LOC128706665: variants seen among roughly 807,000 people sequenced by gnomAD.
chr20:10,430,944 A>G, the LOC128706665 span, among the ~76,000 whole-genome samples: 1 of 152,234 alleles, frequency 6.6e-6, no homozygotes, highest in African/African-American at 2.4e-5. Flanking sequence ...GCATTGAGTA[A>G]TGGCGAGAAT....
the LOC128706665 span, among the ~76,000 whole-genome samples, chr20:10,426,560 C>T: frequency 2.0e-5 from 3 of 152,158 alleles, no homozygotes; most frequent in Non-Finnish European, 2.9e-5. Flanking sequence ...CCACCATGCC[C>T]GACTAATTTT....
At chr20:10,426,773 G>A in the LOC128706665 span, among the ~76,000 whole-genome samples, 1 of 152,176 alleles carries the variant, frequency 6.6e-6, no homozygotes, top group African/African-American at 2.4e-5. Context: ...CAAAATTAGA[G>A]GGCATCTTAC....
At chr20:10,413,782 A>G in the LOC128706665 span, 1 of 583,788 alleles carries the variant, frequency 1.7e-6, no homozygotes, top group Non-Finnish European at 3.0e-6. Flanking sequence ...AATTTTACAG[A>G]CTGCTTTGCA....
the LOC128706665 span, among the ~76,000 whole-genome samples, chr20:10,433,799 C>T: frequency 1.3e-5 from 2 of 152,144 alleles, no homozygotes; most frequent in Non-Finnish European, 2.9e-5. Context: ...ACAGGTTCGG[C>T]GTAGAAGGCG....
chr20:10,428,330 T>C, the LOC128706665 span, among the ~76,000 whole-genome samples: 1 of 152,240 alleles, frequency 6.6e-6, no homozygotes, highest in Non-Finnish European at 1.5e-5. Flanking sequence ...GATACCTAGA[T>C]GAATGGGCCT....
chr20:10,431,175 C>A, the LOC128706665 span, among the ~76,000 whole-genome samples: 27 of 152,128 alleles, frequency 1.8e-4, no homozygotes, highest in South Asian at 5.6e-3. Context: ...AAAATAGGCA[C>A]CCCTGGAGGT....
At chr20:10,417,837 C>T in the LOC128706665 span, among the ~76,000 whole-genome samples, 1 of 151,504 alleles carries the variant, frequency 6.6e-6, no homozygotes, top group African/African-American at 2.4e-5. Context: ...TACGAGATTA[C>T]AGGAAATAGG....
chr20:10,416,171 T>C, the LOC128706665 span, among the ~76,000 whole-genome samples: 6 of 150,884 alleles, frequency 4.0e-5, no homozygotes, highest in Non-Finnish European at 8.9e-5. Context: ...GTTGTTGCAG[T>C]GATGGATAAC....
At chr20:10,429,456 G>C in the LOC128706665 span, among the ~76,000 whole-genome samples, 7 of 152,238 alleles carry the variant, frequency 4.6e-5, 1 homozygote, top group African/African-American at 1.7e-4. Context: ...TTCATCTCCA[G>C]CTTAGACCCA....
chr20:10,415,955 T>G, the LOC128706665 span, among the ~76,000 whole-genome samples: 1 of 151,852 alleles, frequency 6.6e-6, no homozygotes, highest in Non-Finnish European at 1.5e-5. Context: ...GGTCTAGACC[T>G]GAACAAAAGA....
the LOC128706665 span, among the ~76,000 whole-genome samples, chr20:10,431,384 A>G: frequency 1.3e-5 from 2 of 152,150 alleles, no homozygotes; most frequent in Non-Finnish European, 1.5e-5. Flanking sequence ...CTTAGTGTCT[A>G]TTAGGTGCTA....
chr20:10,433,591 G>C, the LOC128706665 span, among the ~76,000 whole-genome samples: 1 of 152,344 alleles, frequency 6.6e-6, no homozygotes, highest in South Asian at 2.1e-4. Flanking sequence ...CATGACCTTA[G>C]AGGGTCATCC....
the LOC128706665 span, among the ~76,000 whole-genome samples, chr20:10,414,999 T>C: frequency 2.0e-5 from 3 of 152,112 alleles, no homozygotes; most frequent in Admixed American, 6.5e-5. Flanking sequence ...AGGATCTGAG[T>C]TGCAATTCAA....
the LOC128706665 span, among the ~76,000 whole-genome samples, chr20:10,426,744 A>T: frequency 6.6e-6 from 1 of 152,222 alleles, no homozygotes; most frequent in Non-Finnish European, 1.5e-5. Context: ...AAAGGTTAAC[A>T]GCTGTCATTT....
At chr20:10,424,436 T>C in the LOC128706665 span, among the ~76,000 whole-genome samples, 9 of 152,110 alleles carry the variant, frequency 5.9e-5, no homozygotes, top group African/African-American at 9.7e-5. Context: ...CATTGGCATA[T>C]AACTTTAAAC....
At chr20:10,433,272 G>A in the LOC128706665 span, among the ~76,000 whole-genome samples, 5 of 152,184 alleles carry the variant, frequency 3.3e-5, no homozygotes, top group Non-Finnish European at 7.3e-5. Flanking sequence ...CCTAAAGTGC[G>A]GGGTTACAGG....
At chr20:10,433,516 C>T in the LOC128706665 span, among the ~76,000 whole-genome samples, 2 of 152,124 alleles carry the variant, frequency 1.3e-5, no homozygotes, top group African/African-American at 4.8e-5. Flanking sequence ...TGAATGAAAC[C>T]GTCATATTGA....
At chr20:10,423,993 G>GA in the LOC128706665 span, among the ~76,000 whole-genome samples, 1 of 152,162 alleles carries the variant, frequency 6.6e-6, no homozygotes, top group Non-Finnish European at 1.5e-5. Flanking sequence ...GCTAATGGGG[G>GA]TGAGAGAGCA....
chr20:10,433,335 G>T, the LOC128706665 span, among the ~76,000 whole-genome samples: 1 of 152,194 alleles, frequency 6.6e-6, no homozygotes, highest in South Asian at 2.1e-4. Flanking sequence ...GCAGTTGGTT[G>T]AATTCACACA....
Sources: gnomAD v4.1 joint callset for allele counts (sites outside exome capture counted in the v4.1 genomes callset) on GRCh38, gnomAD v4.1.1 for gene constraint, MANE v1.5 for transcripts.